The following CLGN variants were observed in gnomAD, a reference collection of about 807,000 sequenced individuals.
CLGN encodes calmegin, also known as testis tissue sperm-binding protein Li 79P.
A neutral mutation model predicts 79.1 loss-of-function variants in CLGN; 62 were observed. The ratio of observed to expected loss-of-function variants is 0.78; its 90% CI spans 0.64 to 0.97. The LOEUF (loss-of-function observed/expected upper bound fraction) is 0.97, where lower values mean the gene tolerates loss of function less well. Among genes scored for constraint, CLGN ranks in the 50% least tolerant of loss-of-function variants. The pLI is 0.00. For missense variants in CLGN, 647 were observed against 715.5 expected (o/e 0.90, Z 1.09); for synonymous variants, 225 against 224.7 (o/e 1.00, Z -0.01).
intron 5 of CLGN, among the ~76,000 whole-genome samples, chr4:140,405,030 T>C (rs543687169): frequency 1.3e-5 from 2 of 152,234 alleles, no homozygotes; most frequent in Admixed American, 1.3e-4. Context: ...AAGGGGTCCC[T>C]GCTTGAAAGA....
intron 4 of CLGN, among the ~76,000 whole-genome samples, chr4:140,409,325 G>C (rs966926288): frequency 6.6e-6 from 1 of 151,938 alleles, no homozygotes; most frequent in African/African-American, 2.4e-5. Context: ...CCTGCCTATA[G>C]GACATTTCTT....
chr4:140,391,087 G>T (rs115729938), intron 13 of CLGN, among the ~76,000 whole-genome samples: 1 of 151,518 alleles, frequency 6.6e-6, no homozygotes, highest in Admixed American at 6.6e-5. Flanking sequence ...TTTGTTCTCT[G>T]TGGACATCAT....
At chr4:140,397,046 C>T (rs1306143196) in intron 8 of CLGN, among the ~76,000 whole-genome samples, 1 of 150,804 alleles carries the variant, frequency 6.6e-6, no homozygotes, top group African/African-American at 2.4e-5. Flanking sequence ...CAAAATTTTA[C>T]TATTATTAAT....
chr4:140,409,239 G>C (rs1249884084), intron 4 of CLGN, among the ~76,000 whole-genome samples: 1 of 151,950 alleles, frequency 6.6e-6, no homozygotes, highest in Admixed American at 6.6e-5. Context: ...AATCAAGGAG[G>C]CTGGTTTTTA....
At chr4:140,389,348 T>C (rs1728732302) in intron 14 of CLGN, 44 bp from the exon 15 acceptor site, 3 of 1,360,442 alleles carry the variant, frequency 2.2e-6, no homozygotes, top group African/African-American at 1.4e-5. Context: ...GTATAACACA[T>C]AACTAGTAGA....
rs181514614 is a variant in CLGN at position 140,401,937 on chromosome 4, A to G, written c.501+48T>C. On this transcript the variant is annotated intron_variant, in intron 6 of 14. Coordinates refer to ENST00000325617, the MANE Select transcript of CLGN (RefSeq NM_004362.3). ...CAGTTTTATCATTTGTTCCTTAAAA[A>G]TACTTATTAACTTTAATAAGGTTTT... is the stretch of plus-strand genomic sequence containing the variant. 1.5e-5 allele frequency: 15 copies of G among 1,017,330 alleles called. No homozygotes were observed. The East Asian group carries it at 3.2e-4, about 22-fold the overall frequency. 63.0% of individuals were successfully genotyped at this position (1,017,330 alleles called of 1,614,324 possible). A position where few individuals can be genotyped will look rare whatever the true frequency, so the allele number is the denominator to read the frequency against.
intron 8 of CLGN, among the ~76,000 whole-genome samples, chr4:140,396,874 C>CATATATATATAT (rs759900454): frequency 2.7e-5 from 3 of 109,540 alleles, no homozygotes; most frequent in Non-Finnish European, 5.2e-5. Flanking sequence ...TATATATATA[C>CATATATATATAT]ATATATATAT....
chr4:140,396,584 C>A (rs1728878583), intron 8 of CLGN, among the ~76,000 whole-genome samples: 1 of 151,394 alleles, frequency 6.6e-6, no homozygotes, highest in African/African-American at 2.4e-5. Context: ...GAGGTGGAGT[C>A]TTGTTCTTGT....
At chr4:140,392,176 C>T (rs1728784503) in intron 13 of CLGN, 43 bp downstream of exon 13, 5 of 1,598,902 alleles carry the variant, frequency 3.1e-6, no homozygotes, top group Non-Finnish European at 4.3e-6. Context: ...GTTTTATGAG[C>T]TTTACCCAGA....
At chr4:140,399,587 C>A (rs2668581) in intron 7 of CLGN, among the ~76,000 whole-genome samples, 9,810 of 152,160 alleles carry the variant, frequency 0.064, 396 homozygotes, top group African/African-American at 0.11. Context: ...ATGTTTCTAC[C>A]ACTGCAGCAT....
rs557430774 is a variant in CLGN at position 140,413,844 on chromosome 4, C to T, written c.-9-757G>A. On this transcript the variant is annotated intron_variant, in intron 1 of 14. Transcript: ENST00000325617. ...AGGCAGCCTGGAAGCTCGAACTGGGCGGAGCCCACCACAGCTCAAGGAGGC... is the reference window on the plus strand; with the variant it reads ...AGGCAGCCTGGAAGCTCGAACTGGGTGGAGCCCACCACAGCTCAAGGAGGC... Among the ~76,000 whole-genome samples the T allele has an allele frequency of 4.0e-3, 613 of 152,340 alleles. 4 individuals are homozygous for T. The highest frequency in any genetic ancestry group is 7.0e-3 in the Non-Finnish European group (475 of 68,022).
At position 140,402,040 on chromosome 4, in the gene CLGN, A is replaced by G. The variant is rs1729009482; in HGVS notation, c.446T>C (p.Ile149Thr). The G allele has an allele frequency of 6.3e-7, 1 of 1,579,790 alleles. No homozygotes were observed. Among genetic ancestry groups the G allele is most frequent in the Non-Finnish European group, 8.6e-7 (1 of 1,160,000 alleles). ...VQYEVNFQDG[I>T]DCGGAYIKLL... is the part of the protein sequence containing the mutation. ...TTTAATGTATGCACCTCCACAATCA[A>G]TACCATCTTGAAAATTTACTTCATA... Residue 149 changes from isoleucine (I) to threonine (T), a missense_variant, in exon 6 of 15, where the codon ATT becomes ACT. By Grantham distance (89) the Ile-to-Thr change is moderately conservative. Coordinates refer to ENST00000325617, the MANE Select transcript of CLGN (RefSeq NM_004362.3).
intron 5 of CLGN, among the ~76,000 whole-genome samples, chr4:140,405,163 A>G (rs1434235651): frequency 3.4e-5 from 3 of 87,206 alleles, no homozygotes; most frequent in African/African-American, 9.8e-5. Context: ...GATAACAAGT[A>G]ATTTTTTTTA....
intron 1 of CLGN, among the ~76,000 whole-genome samples, chr4:140,423,995 G>T (rs564729575): frequency 4.7e-4 from 72 of 151,786 alleles, no homozygotes; most frequent in African/African-American, 1.4e-3. Context: ...TTTCTCTCTT[G>T]TTTTTCTATT....
chr4:140,405,831 G>A (rs984514243), intron 5 of CLGN, 111 bp downstream of exon 5: 17 of 1,112,284 alleles, frequency 1.5e-5, no homozygotes, highest in African/African-American at 8.0e-5. Context: ...TAAGTGAAAC[G>A]AAAAAGGAAG....
intron 1 of CLGN, among the ~76,000 whole-genome samples, chr4:140,427,085 C>T (rs1262014864): frequency 7.0e-6 from 1 of 142,064 alleles, no homozygotes; most frequent in African/African-American, 2.6e-5. Flanking sequence ...AGACGCGCCC[C>T]GGGCCCCCTC....
chr4:140,409,751 A>C (rs1283229267), intron 4 of CLGN, 86 bp downstream of exon 4: 1 of 791,302 alleles, frequency 1.3e-6, no homozygotes. Flanking sequence ...GACTCCAGCC[A>C]ACACAATTTA....
rs370807639 is a variant in CLGN at position 140,389,285 on chromosome 4, C to T, written c.1772G>A (p.Ser591Asn). 1.2e-6 allele frequency: 2 copies of T among 1,612,074 alleles called. No homozygotes were observed. The highest frequency in any genetic ancestry group is 2.2e-5 in the East Asian group (1 of 44,832). The change falls in exon 15 of 15, where the codon AGC becomes AAC. Residue 591 changes from serine (S) to asparagine (N), a missense_variant. Physicochemically the swap from Ser to Asn is conservative, Grantham distance 46. Coordinates refer to ENST00000325617, the MANE Select transcript of CLGN (RefSeq NM_004362.3). ...TATCGGCCCATCTCCAGATCCTGTG[C>T]TCTCATCTGCTTCTTTCATCTAGAA... ...SEDEMKEADE[S>N]TGSGDGPIKS...
At chr4:140,395,281 G>A (rs1177555567) in intron 10 of CLGN, among the ~76,000 whole-genome samples, 1 of 151,954 alleles carries the variant, frequency 6.6e-6, no homozygotes, top group Non-Finnish European at 1.5e-5. Context: ...TGAGTAGCTG[G>A]GACTACAGGC....
Sources: gnomAD v4.1 joint callset for allele counts (sites outside exome capture counted in the v4.1 genomes callset) on GRCh38, gnomAD v4.1.1 for gene constraint, MANE v1.5 for transcripts, NCBI Gene and HGNC (gene_info 2026-07-23, HGNC 2026-07-21) for gene names.